Variants in PYGB observed in about 807,000 individuals in gnomAD.
PYGB encodes glycogen phosphorylase B, also known as glycogen phosphorylase, brain form.
In PYGB, 82 loss-of-function variants were observed where a neutral mutation model predicts 94.3. The ratio of observed to expected loss-of-function variants is 0.87; its 90% CI spans 0.73 to 1.04. The LOEUF (loss-of-function observed/expected upper bound fraction) is 1.04, where lower values mean the gene tolerates loss of function less well. Ranked by LOEUF, PYGB falls within the 50% of genes least tolerant of loss-of-function variation. The pLI is 0.00. For missense variants in PYGB, 1,132 were observed against 1,158.2 expected (o/e 0.98, Z 0.33); for synonymous variants, 488 against 479.1 (o/e 1.02, Z -0.24).
chr20:25,283,216 A>G lies in PYGB; in HGVS notation c.1559A>G (p.Lys520Arg), dbSNP rs745732500. Residue 520 changes from lysine to arginine, a missense_variant, in exon 13 of 20, where the codon AAG (lysine) becomes AGG (arginine). By Grantham distance (26) the Lys-to-Arg change is conservative. Transcript: ENST00000216962. Reference sequence around the variant, plus strand: ...TTCCTGACTGACCTGAGCCAGCTGAAGAAGCTGCTGCCGCTGGTCAGTGAC... The same window carrying G: ...TTCCTGACTGACCTGAGCCAGCTGAGGAAGCTGCTGCCGCTGGTCAGTGAC... ...EEFLTDLSQL[K>R]KLLPLVSDEV... 1 of 1,613,884 alleles carries G rather than the reference A, an allele frequency of 6.2e-7. No homozygotes were observed. The highest frequency in any genetic ancestry group is 8.5e-7 in the Non-Finnish European group (1 of 1,179,852).
chr20:25,287,892 G>A (rs982419968), intron 14 of PYGB, among the ~76,000 whole-genome samples: 7 of 151,976 alleles, frequency 4.6e-5, no homozygotes, highest in Admixed American at 4.6e-4. Context: ...GAGGTGGGAG[G>A]ATTGCTTGAA....
chr20:25,285,997 C>A (rs6107022), intron 14 of PYGB, among the ~76,000 whole-genome samples: 1 of 152,330 alleles, frequency 6.6e-6, no homozygotes, highest in East Asian at 1.9e-4. Context: ...GTCTTAACTC[C>A]ACTTCCTTCC....
chr20:25,280,853 C>A, intron 10 of PYGB, 96 bp from the exon 11 acceptor site: 2 of 1,464,570 alleles, frequency 1.4e-6, no homozygotes, highest in South Asian at 1.3e-5. Flanking sequence ...CAGAGCTTCC[C>A]ATGGGTGGTC....
At chr20:25,269,870 G>A (rs2088250665) in intron 3 of PYGB, among the ~76,000 whole-genome samples, 1 of 152,128 alleles carries the variant, frequency 6.6e-6, no homozygotes, top group South Asian at 2.1e-4. Flanking sequence ...GGGTGTTCCA[G>A]GTCCTTGGGC....
chr20:25,293,072 T>C lies in PYGB; in HGVS notation c.2177+459T>C, dbSNP rs1406380360. Among the ~76,000 whole-genome samples, 3 of 149,760 alleles carry C rather than the reference T, an allele frequency of 2.0e-5. No individual in the cohort carries two copies. In the East Asian group the frequency reaches 5.9e-4, roughly 30 times the overall value. On this transcript the variant is annotated intron_variant, in intron 17 of 19. Coordinates refer to ENST00000216962, the MANE Select transcript of PYGB (RefSeq NM_002862.4). ...GGTTCCCTGGTCTAAGTTGTAACTG[T>C]TAAAATTGTTTAAAAATAGTATTTT...
chr20:25,276,524 G>C (rs932222445), intron 5 of PYGB, 122 bp from the exon 6 acceptor site: 11 of 729,114 alleles, frequency 1.5e-5, no homozygotes, highest in East Asian at 5.3e-5. Context: ...TTGGGCAGAA[G>C]GGGGAGACGG....
chr20:25,256,938 G>A (rs1410969902), intron 1 of PYGB, among the ~76,000 whole-genome samples: 3 of 152,204 alleles, frequency 2.0e-5, no homozygotes, highest in Non-Finnish European at 4.4e-5. Context: ...CTGGTATGGT[G>A]AGGGGAACCA....
At position 25,248,129 on chromosome 20, in the gene PYGB, G is replaced by A; in HGVS notation, c.-50G>A. 6.5e-7 allele frequency: 1 copy of A among 1,526,748 alleles called. No individual in the cohort carries two copies. Among genetic ancestry groups the A allele is most frequent in the Non-Finnish European group, 8.8e-7 (1 of 1,140,168 alleles). 94.6% of individuals were successfully genotyped at this position (1,526,748 alleles called of 1,614,324 possible). ...AGCTGCACCATCCCGGCGTTCGCGTGTGCCGCCGCTTTCCTCCTCCATCTC... is the reference window on the plus strand; with the variant it reads ...AGCTGCACCATCCCGGCGTTCGCGTATGCCGCCGCTTTCCTCCTCCATCTC... On this transcript the variant is annotated 5_prime_UTR_variant, in exon 1 of 20. It adds an upstream start codon to the 5' untranslated region. Coordinates refer to ENST00000216962, the MANE Select transcript of PYGB (RefSeq NM_002862.4).
At chr20:25,263,770 G>T (rs2983490) in intron 2 of PYGB, among the ~76,000 whole-genome samples, 3,657 of 152,278 alleles carry the variant, frequency 0.024, 136 homozygotes, top group African/African-American at 0.08. Flanking sequence ...AACAGGCTTT[G>T]AAATTGAGGC....
rs1370474371 is a variant in PYGB at position 25,288,640 on chromosome 20, C to A, written c.1827+157C>A. ...TGGTATGCCTGTGGGGGTGGGGACC[C>A]TGTAGAGAGTCAGAATGGGATGGAA... On this transcript the variant is annotated intron_variant, in intron 15 of 19. Transcript: ENST00000216962. The A allele has an allele frequency of 1.5e-5, 12 of 824,496 alleles. No homozygotes were observed. In the Admixed American group the frequency reaches 3.0e-4, roughly 21 times the overall value. The allele number at this position is 824,496 out of a possible 1,614,324, so 51.1% of individuals were successfully genotyped here. A position where few individuals can be genotyped will look rare whatever the true frequency, so the allele number is the denominator to read the frequency against.
intron 15 of PYGB, 70 bp downstream of exon 15, chr20:25,288,553 C>G: frequency 6.6e-7 from 1 of 1,525,308 alleles, no homozygotes; most frequent in East Asian, 2.3e-5. Context: ...AGCCTGCACG[C>G]TTCTCATGGT....
intron 14 of PYGB, among the ~76,000 whole-genome samples, chr20:25,287,868 C>T (rs2123591279): frequency 6.6e-6 from 1 of 152,116 alleles, no homozygotes; most frequent in African/African-American, 2.4e-5. Flanking sequence ...AGGATCCCAG[C>T]TACTCAGGAG....
At chr20:25,296,226 G>A in intron 19 of PYGB, 144 bp from the exon 20 acceptor site, 3 of 1,006,224 alleles carry the variant, frequency 3.0e-6, no homozygotes, top group Non-Finnish European at 4.5e-6. Flanking sequence ...CAACGAACAA[G>A]TGATTGTAAT....
intron 16 of PYGB, among the ~76,000 whole-genome samples, chr20:25,291,394 CT>C (rs921753420): frequency 4.6e-5 from 7 of 152,308 alleles, no homozygotes; most frequent in South Asian, 4.1e-4. Context: ...AGGGCCCCCC[CT>C]AGTTCAGGCC....
At position 25,279,140 on chromosome 20, in the gene PYGB, C is replaced by T; in HGVS notation, c.1083C>T (p.Asp361=). The change falls in exon 9 of 20, where the codon GAC becomes GAT. Residue 361 remains aspartate (D), a synonymous_variant. Transcript: ENST00000216962. ...TCCTGGTGGACGTGGAGAAGGTGGA[C>T]TGGGACAAGGTGAGCATGGAGGAAA... ...MRILVDVEKV[D]WDKAWEITKK... 1 of 1,613,890 alleles carries T rather than the reference C, an allele frequency of 6.2e-7. No individual in the cohort carries two copies. Among genetic ancestry groups the T allele is most frequent in the Non-Finnish European group, 8.5e-7 (1 of 1,179,876 alleles).
At chr20:25,294,063 TG>T (rs2088501252) in intron 17 of PYGB, 94 bp from the exon 18 acceptor site, 4 of 1,530,934 alleles carry the variant, frequency 2.6e-6, no homozygotes, top group Non-Finnish European at 3.5e-6. Context: ...AGGGCCATCC[TG>T]GGGCAGGGGC....
chr20:25,256,117 ACT>A (rs1432388359), intron 1 of PYGB, among the ~76,000 whole-genome samples: 3 of 151,914 alleles, frequency 2.0e-5, no homozygotes, highest in African/African-American at 7.3e-5. Context: ...TTAAATGAAG[ACT>A]CTAGTTAAAA....
chr20:25,267,564 T>C (rs2088228837), intron 2 of PYGB, among the ~76,000 whole-genome samples: 1 of 152,186 alleles, frequency 6.6e-6, no homozygotes, highest in African/African-American at 2.4e-5. Flanking sequence ...AGGGTCTTGC[T>C]CTGTCACCCA....
At chr20:25,281,959 G>A (rs2088371488) in intron 11 of PYGB, 74 bp from the exon 12 acceptor site, 1 of 1,293,096 alleles carries the variant, frequency 7.7e-7, no homozygotes, top group Admixed American at 1.7e-5. Context: ...CTCCTTAAAA[G>A]GACTTTAAGG....
Sources: gnomAD v4.1 joint callset for allele counts (sites outside exome capture counted in the v4.1 genomes callset) on GRCh38, gnomAD v4.1.1 for gene constraint, MANE v1.5 for transcripts, NCBI Gene and HGNC (gene_info 2026-07-23, HGNC 2026-07-21) for gene names.